Variants in ADGRB3 observed in about 807,000 individuals in gnomAD.
ADGRB3 encodes brain-specific angiogenesis inhibitor 3.
In ADGRB3, 37 loss-of-function variants were observed where a neutral mutation model predicts 193.4. The observed-to-expected ratio is 0.19, with a 90% CI of 0.15 to 0.25. The LOEUF (loss-of-function observed/expected upper bound fraction) is 0.25. Ranked by LOEUF, ADGRB3 falls within the 10% of genes least tolerant of loss-of-function variation. The pLI is 1.00. For synonymous variants in ADGRB3, 690 were observed against 644.2 expected (o/e 1.07, Z -1.08); for missense variants, 1,637 against 1,852.9 (o/e 0.88, Z 2.14).
At chr6:69,314,414 T>C (rs890220212) in intron 20 of ADGRB3, among the ~76,000 whole-genome samples, 1 of 151,684 alleles carries the variant, frequency 6.6e-6, no homozygotes, top group Non-Finnish European at 1.5e-5. Context: ...GTATCTCACA[T>C]AACTTTATAT....
chr6:69,352,357 G>A (rs1346137930), intron 26 of ADGRB3, among the ~76,000 whole-genome samples: 4 of 152,128 alleles, frequency 2.6e-5, no homozygotes, highest in Non-Finnish European at 4.4e-5. Context: ...AGTTCTTCAG[G>A]AAAAGATGAT....
chr6:68,895,207 A>G (rs1281374818), intron 3 of ADGRB3, among the ~76,000 whole-genome samples: 1 of 136,746 alleles, frequency 7.3e-6, no homozygotes, highest in African/African-American at 2.8e-5. Context: ...AAGCTGCTGA[A>G]TCTGCTGAGA....
chr6:68,713,523 T>C (rs1765439249), intron 3 of ADGRB3, among the ~76,000 whole-genome samples: 1 of 151,850 alleles, frequency 6.6e-6, no homozygotes, highest in Admixed American at 6.6e-5. Flanking sequence ...TGACTATACA[T>C]TGCTTTCTGA....
intron 17 of ADGRB3, among the ~76,000 whole-genome samples, chr6:69,160,608 A>G (rs1009375040): frequency 6.6e-6 from 1 of 151,896 alleles, no homozygotes; most frequent in Non-Finnish European, 1.5e-5. Flanking sequence ...AGCTATTCGT[A>G]TTTTTCAATT....
Position 68,944,029 on chromosome 6 carries a change from A to G in ADGRB3, c.1195+35A>G, listed in dbSNP as rs768163988. On this transcript the variant is annotated intron_variant, in intron 6 of 31. Transcript: ENST00000370598. ...TTCTGCATTTGGTTATGTTTGCATT[A>G]TGTGCTTTTTATATGATTCCTAGTG... is the stretch of plus-strand genomic sequence containing the variant. 1.3e-5 allele frequency: 20 copies of G among 1,569,208 alleles called. 1 individual carries two copies. Among genetic ancestry groups the G allele is most frequent in the Middle Eastern group, 3.4e-4 (2 of 5,866 alleles).
intron 13 of ADGRB3, among the ~76,000 whole-genome samples, chr6:69,038,032 T>C (rs968875022): frequency 3.3e-5 from 5 of 152,194 alleles, no homozygotes; most frequent in Non-Finnish European, 7.4e-5. Flanking sequence ...AAATTCTTAA[T>C]TGCTAGGATA....
rs184322713 is a variant in ADGRB3 at position 68,867,761 on chromosome 6, G to A, written c.758-62798G>A. 5.8e-4 allele frequency among the ~76,000 whole-genome samples: 88 copies of A among 152,288 alleles called. 1 individual carries two copies. In the East Asian group the frequency reaches 7.4e-3, roughly 13 times the overall value. On this transcript the variant is annotated intron_variant, in intron 3 of 31. Transcript: ENST00000370598. ...GCATGTCCTGTATGTGAGACATGAC[G>A]TCAAAGGAGATTATTTTGGAGCTTT...
intron 28 of ADGRB3, among the ~76,000 whole-genome samples, chr6:69,360,077 T>C (rs548207047): frequency 1.3e-5 from 2 of 152,042 alleles, no homozygotes; most frequent in Non-Finnish European, 2.9e-5. Flanking sequence ...TTTTGTTTTG[T>C]TCCCTTTCAT....
intron 17 of ADGRB3, among the ~76,000 whole-genome samples, chr6:69,119,962 G>C (rs1030047647): frequency 4.6e-5 from 7 of 152,166 alleles, no homozygotes; most frequent in Non-Finnish European, 7.3e-5. Flanking sequence ...AGCCAGATGA[G>C]AGATGATGCC....
intron 11 of ADGRB3, among the ~76,000 whole-genome samples, chr6:69,007,727 A>C (rs1048085046): frequency 1.0e-4 from 14 of 139,214 alleles, no homozygotes; most frequent in African/African-American, 3.2e-4. Flanking sequence ...ACACACACAC[A>C]CCCTGCTGAC....
rs200795351 is a variant in ADGRB3 at position 69,062,997 on chromosome 6, C to T, written c.2397C>T (p.Thr799=). 25 of 1,612,044 alleles carry T rather than the reference C, an allele frequency of 1.6e-5. No individual in the cohort carries two copies. The highest frequency in any genetic ancestry group is 2.0e-5 in the Non-Finnish European group (23 of 1,178,760). ...CAATAAGGCCTGAACCCAAAACAACCGATTCGTTTCTGGAGATAGAACTAG... is the reference window on the plus strand; with the variant it reads ...CAATAAGGCCTGAACCCAAAACAACTGATTCGTTTCTGGAGATAGAACTAG... The part of the protein sequence containing the change: ...VVTIRPEPKT[T]DSFLEIELAH... Residue 799 remains threonine, a synonymous_variant, in exon 16 of 32, where the codon ACC becomes ACT. Coordinates refer to ENST00000370598, the MANE Select transcript of ADGRB3 (RefSeq NM_001704.3).
intron 17 of ADGRB3, among the ~76,000 whole-genome samples, chr6:69,091,749 C>G (rs1045777355): frequency 6.6e-6 from 1 of 151,902 alleles, no homozygotes; most frequent in Non-Finnish European, 1.5e-5. Flanking sequence ...ACAAATTTAC[C>G]TAATTAACAG....
At chr6:68,849,778 G>T (rs1195639842) in intron 3 of ADGRB3, among the ~76,000 whole-genome samples, 2 of 151,824 alleles carry the variant, frequency 1.3e-5, no homozygotes, top group East Asian at 1.9e-4. Context: ...TGGATAGCTG[G>T]ATGGAAATAA....
At chr6:68,780,847 T>A (rs1292726857) in intron 3 of ADGRB3, among the ~76,000 whole-genome samples, 1 of 152,122 alleles carries the variant, frequency 6.6e-6, no homozygotes, top group Non-Finnish European at 1.5e-5. Context: ...GTGGTACACA[T>A]CTATTAACTA....
At chr6:69,333,936 C>A (rs76920667) in intron 24 of ADGRB3, among the ~76,000 whole-genome samples, 6 of 110,458 alleles carry the variant, frequency 5.4e-5, no homozygotes, top group African/African-American at 1.3e-4. Context: ...TCTCAAAAAA[C>A]AAAATAAAAT....
At chr6:68,741,512 G>A (rs1342146926) in intron 3 of ADGRB3, among the ~76,000 whole-genome samples, 7 of 152,106 alleles carry the variant, frequency 4.6e-5, no homozygotes, top group African/African-American at 1.2e-4. Flanking sequence ...TGAGCCTCCC[G>A]AGTAGCTGGG....
Position 68,661,397 on chromosome 6 carries a change from A to T in ADGRB3, c.757+21965A>T, listed in dbSNP as rs1453847940. ...TGTGTATACATATATATATGTGTGTATACATATATATGTGTGTGTATATAT... is the reference window on the plus strand; with the variant it reads ...TGTGTATACATATATATATGTGTGTTTACATATATATGTGTGTGTATATAT... On this transcript the variant is annotated intron_variant, in intron 3 of 31. Transcript: ENST00000370598. Among the ~76,000 whole-genome samples the T allele has an allele frequency of 1.8e-4, 10 of 54,854 alleles. 1 individual carries two copies. The highest frequency in any genetic ancestry group is 3.4e-4 in the Non-Finnish European group (9 of 26,606). The allele number at this position is 54,854 out of a possible 152,430, so 36.0% of individuals were successfully genotyped here.
rs56890252 is a variant in ADGRB3 at position 69,123,815 on chromosome 6, C to CAGA, written c.2480+47781_2480+47783dup. ...AGGAGTAGGGTGGTCAATGTGACCACAGAAGAGTGATAGAAATTTAAGAGA... is the reference window on the plus strand; with the variant it reads ...AGGAGTAGGGTGGTCAATGTGACCACAGAAGAAGAGTGATAGAAATTTAAGAGA... On this transcript the variant is annotated intron_variant, in intron 17 of 31. Transcript: ENST00000370598. 1.5e-3 allele frequency among the ~76,000 whole-genome samples: 228 copies of CAGA among 152,078 alleles called. 1 individual carries two copies. Among genetic ancestry groups the CAGA allele is most frequent in the African/African-American group, 5.1e-3 (210 of 41,488 alleles).
chr6:69,382,742 C>A (rs1429628618), intron 30 of ADGRB3, 89 bp from the exon 31 acceptor site: 2 of 935,298 alleles, frequency 2.1e-6, no homozygotes, highest in African/African-American at 1.7e-5. Context: ...CTTGATTACC[C>A]TTATTATTAA....
Sources: gnomAD v4.1 joint callset for allele counts (sites outside exome capture counted in the v4.1 genomes callset) on GRCh38, gnomAD v4.1.1 for gene constraint, MANE v1.5 for transcripts, NCBI Gene and HGNC (gene_info 2026-07-23, HGNC 2026-07-21) for gene names.